Variants in TRAPPC3L observed in about 807,000 individuals in gnomAD.
TRAPPC3L encodes the protein trafficking protein particle complex subunit 3L.
In TRAPPC3L, 23 loss-of-function variants were observed where a neutral mutation model predicts 23.7. That is an observed-to-expected ratio of 0.97 (90% CI 0.70 to 1.37). The LOEUF (loss-of-function observed/expected upper bound fraction) is 1.37, where lower values mean the gene tolerates loss of function less well. Among genes scored for constraint, TRAPPC3L ranks in the 40% most tolerant of loss-of-function variants. The pLI, the probability that TRAPPC3L is intolerant of heterozygous loss-of-function variation, is 0.00. For synonymous variants in TRAPPC3L, 81 were observed against 77.9 expected (o/e 1.04, Z -0.21); for missense variants, 212 against 216.8 (o/e 0.98, Z 0.14).
chr6:116,524,481 G>C (rs1562343878), intron 3 of TRAPPC3L: 1 of 152,250 alleles, frequency 6.6e-6, no homozygotes, highest in East Asian at 1.9e-4. Context: ...TCGAATTGAA[G>C]GACAGCTTGT....
At chr6:116,543,249 C>G (rs532815988) in intron 2 of TRAPPC3L, 54 bp downstream of exon 2, 1 of 1,322,032 alleles carries the variant, frequency 7.6e-7, no homozygotes, top group East Asian at 2.6e-5. Flanking sequence ...AGAAAGAATG[C>G]AGGTGATGTA....
chr6:116,532,435 A>G lies in TRAPPC3L; in HGVS notation c.240+7928T>C, dbSNP rs1772800350. 2.0e-5 allele frequency among the ~76,000 whole-genome samples: 3 copies of G among 152,200 alleles called. No homozygotes were observed. The South Asian group carries it at 6.2e-4, about 31-fold the overall frequency. ...TAGTATTTTCTAAGTTCACTTTAAC[A>G]GTATTTAATAAATGTCAACAGGTGT... On this transcript the variant is annotated intron_variant, in intron 3 of 4. Coordinates refer to ENST00000368602, the MANE Select transcript of TRAPPC3L (RefSeq NM_001139444.3).
chr6:116,539,700 A>G lies in TRAPPC3L; in HGVS notation c.240+663T>C, dbSNP rs537028972. 4.6e-5 allele frequency among the ~76,000 whole-genome samples: 7 copies of G among 152,324 alleles called. No homozygotes were observed. The South Asian group carries it at 1.4e-3, about 32-fold the overall frequency. Reference sequence around the variant, plus strand: ...ATTAAGGACTAGGAGAGAAAAAAAAATGAGACTGACTTAATTGATCAGTTT... The same window carrying G: ...ATTAAGGACTAGGAGAGAAAAAAAAGTGAGACTGACTTAATTGATCAGTTT... On this transcript the variant is annotated intron_variant, in intron 3 of 4. Coordinates refer to ENST00000368602, the MANE Select transcript of TRAPPC3L (RefSeq NM_001139444.3).
At chr6:116,521,055 A>G (rs1355367548) in intron 3 of TRAPPC3L, 1 of 152,014 alleles carries the variant, frequency 6.6e-6, no homozygotes. Context: ...ACAGTACAAC[A>G]GTATATATAC....
At position 116,495,653 on chromosome 6, in the gene TRAPPC3L, C is replaced by T. The variant is rs569627387; in HGVS notation, c.*1301G>A. On this transcript the variant is annotated 3_prime_UTR_variant, in exon 5 of 5. Transcript: ENST00000368602. ...CACCAACAGTGTACCAGAGTTCCCT[C>T]TTCTCCACATCTTTGCAAGCATTCA... 5 of 152,142 alleles carry T rather than the reference C, an allele frequency of 3.3e-5. No homozygotes were observed. Among genetic ancestry groups the T allele is most frequent in the African/African-American group, 1.2e-4 (5 of 41,446 alleles). 9.4% of individuals were successfully genotyped at this position (152,142 alleles called of 1,614,324 possible).
chr6:116,543,916 A>G (rs1773612468), intron 1 of TRAPPC3L: 2 of 1,401,042 alleles, frequency 1.4e-6, no homozygotes, highest in Non-Finnish European at 1.9e-6. Context: ...GGGGAATGTG[A>G]TATTTCCTTA....
chr6:116,520,279 A>C (rs1772307079), intron 3 of TRAPPC3L: 1 of 152,174 alleles, frequency 6.6e-6, no homozygotes, highest in South Asian at 2.1e-4. Flanking sequence ...CAAGTACTTC[A>C]ACTATTAACT....
At chr6:116,544,744 G>A (rs1426595361) in intron 1 of TRAPPC3L, among the ~76,000 whole-genome samples, 1 of 151,998 alleles carries the variant, frequency 6.6e-6, no homozygotes, top group Non-Finnish European at 1.5e-5. Flanking sequence ...GTATCTGCAG[G>A]CATTTCAAAC....
intron 3 of TRAPPC3L, among the ~76,000 whole-genome samples, chr6:116,526,107 T>C (rs1038633411): frequency 7.2e-5 from 11 of 152,226 alleles, no homozygotes; most frequent in Non-Finnish European, 1.3e-4. Context: ...CATTTCCACC[T>C]TATTTTGAGA....
intron 3 of TRAPPC3L, chr6:116,512,115 T>C: frequency 6.2e-7 from 1 of 1,614,036 alleles, no homozygotes; most frequent in Non-Finnish European, 8.5e-7. Context: ...CTCCTGGAAC[T>C]GATTTGCAAG....
chr6:116,538,572 TC>T (rs1562352330), intron 3 of TRAPPC3L, among the ~76,000 whole-genome samples: 1 of 152,320 alleles, frequency 6.6e-6, no homozygotes, highest in East Asian at 1.9e-4. Flanking sequence ...GAATGAAGTC[TC>T]CAAATTGCCC....
At chr6:116,510,480 G>C (rs1772093736) in intron 3 of TRAPPC3L, among the ~76,000 whole-genome samples, 2 of 151,868 alleles carry the variant, frequency 1.3e-5, no homozygotes, top group South Asian at 4.2e-4. Flanking sequence ...TAGAGAGGGA[G>C]ATTCACCATG....
At chr6:116,533,349 A>G (rs886337785) in intron 3 of TRAPPC3L, among the ~76,000 whole-genome samples, 7 of 152,220 alleles carry the variant, frequency 4.6e-5, no homozygotes, top group African/African-American at 1.4e-4. Context: ...TTTATTTCAG[A>G]AGAAAAGTTT....
chr6:116,544,151 A>AG (rs1554238329), intron 1 of TRAPPC3L, among the ~76,000 whole-genome samples: 1 of 132,918 alleles, frequency 7.5e-6, no homozygotes, highest in South Asian at 2.5e-4. Flanking sequence ...AAAGGTGAAG[A>AG]AGAGAGAGAG....
At chr6:116,498,796 A>G (rs1012078868) in intron 4 of TRAPPC3L, among the ~76,000 whole-genome samples, 2 of 152,112 alleles carry the variant, frequency 1.3e-5, no homozygotes, top group African/African-American at 4.8e-5. Flanking sequence ...TCTTGTTTCT[A>G]TGACTCCTTC....
chr6:116,499,423 A>G (rs758590349), intron 4 of TRAPPC3L, among the ~76,000 whole-genome samples: 2 of 152,184 alleles, frequency 1.3e-5, no homozygotes, highest in Non-Finnish European at 2.9e-5. Flanking sequence ...TTCCTAAAAC[A>G]CAAATTTCAA....
At chr6:116,543,818 C>A (rs1462994853) in intron 1 of TRAPPC3L, 5 of 1,533,752 alleles carry the variant, frequency 3.3e-6, no homozygotes, top group Non-Finnish European at 4.4e-6. Flanking sequence ...TCCCTAATGG[C>A]CCCCAGATCT....
intron 3 of TRAPPC3L, chr6:116,522,110 C>A (rs867290495): frequency 6.6e-6 from 1 of 152,126 alleles, no homozygotes. Context: ...AATGAAGGAG[C>A]CATTTTAAAC....
intron 3 of TRAPPC3L, chr6:116,515,960 G>C (rs1168744526): frequency 1.2e-6 from 2 of 1,607,290 alleles, no homozygotes; most frequent in Non-Finnish European, 1.7e-6. Context: ...GACGACAATG[G>C]TCCTTGTGGG....
Sources: gnomAD v4.1 joint callset for allele counts (sites outside exome capture counted in the v4.1 genomes callset) on GRCh38, gnomAD v4.1.1 for gene constraint, MANE v1.5 for transcripts, NCBI Gene and HGNC (gene_info 2026-07-23, HGNC 2026-07-21) for gene names.